Variants in RBFOX1 observed in about 807,000 individuals in gnomAD.
RBFOX1 encodes the protein RNA binding fox-1 homolog 1.
RBFOX1 carries 8 observed loss-of-function variants against 57.7 expected under a neutral mutation model. The observed-to-expected ratio is 0.14, with a 90% CI of 0.08 to 0.25. RBFOX1 has a LOEUF of 0.25. Among genes scored for constraint, RBFOX1 ranks in the 10% least tolerant of loss-of-function variants. The probability of loss-of-function intolerance (pLI) is 1.00; values close to 1 mark genes in which losing one functional copy is unlikely to be tolerated. For missense variants in RBFOX1, 611 were observed against 548.5 expected (o/e 1.11, Z -1.14); for synonymous variants, 326 against 222.4 (o/e 1.47, Z -4.15).
intron 2 of RBFOX1, among the ~76,000 whole-genome samples, chr16:5,570,839 C>A (rs201771847): frequency 4.2e-3 from 586 of 140,576 alleles, no homozygotes; most frequent in Admixed American, 6.6e-3. Flanking sequence ...AACTCTGTCT[C>A]AAAAAAAAAA....
At chr16:6,547,797 C>G (rs2096917000) in intron 2 of RBFOX1, among the ~76,000 whole-genome samples, 1 of 151,788 alleles carries the variant, frequency 6.6e-6, no homozygotes. Flanking sequence ...CTCAAAATGT[C>G]ATCTTTCCTA....
intron 3 of RBFOX1, among the ~76,000 whole-genome samples, chr16:6,691,667 A>G (rs1197964318): frequency 1.3e-5 from 2 of 152,234 alleles, no homozygotes; most frequent in South Asian, 2.1e-4. Context: ...CATGGCAGGT[A>G]GGATAATGGT....
chr16:7,025,933 C>T (rs1371853598), intron 3 of RBFOX1, among the ~76,000 whole-genome samples: 3 of 151,964 alleles, frequency 2.0e-5, no homozygotes, highest in Non-Finnish European at 2.9e-5. Flanking sequence ...CGGGAGCTCC[C>T]ACCTGGCCTG....
At chr16:6,966,604 CTGGAGAACA>C (rs1389783351) in intron 3 of RBFOX1, among the ~76,000 whole-genome samples, 1 of 152,128 alleles carries the variant, frequency 6.6e-6, no homozygotes, top group Non-Finnish European at 1.5e-5. Flanking sequence ...GGCCAATGGA[CTGGAGAACA>C]TGGGGTCACA....
chr16:5,718,236 C>G (rs2051792107), intron 3 of RBFOX1, among the ~76,000 whole-genome samples: 1 of 152,208 alleles, frequency 6.6e-6, no homozygotes, highest in South Asian at 2.1e-4. Flanking sequence ...GAGAACAAAT[C>G]AAGTACATTT....
At chr16:6,946,356 G>A (rs1304770435) in intron 3 of RBFOX1, among the ~76,000 whole-genome samples, 1 of 152,166 alleles carries the variant, frequency 6.6e-6, no homozygotes, top group African/African-American at 2.4e-5. Flanking sequence ...TGGCCAGCTG[G>A]CCCTGTACTG....
At chr16:6,487,747 ATATAT>A (rs2095537293) in intron 2 of RBFOX1, among the ~76,000 whole-genome samples, 11 of 74,442 alleles carry the variant, frequency 1.5e-4, no homozygotes, top group South Asian at 4.3e-4. Context: ...ATATATATAT[ATATAT>A]ATAAAATATT....
intron 3 of RBFOX1, among the ~76,000 whole-genome samples, chr16:5,713,713 G>A (rs8056403): frequency 0.67 from 101,352 of 152,040 alleles, 34,724 homozygotes; most frequent in Non-Finnish European, 0.72. Context: ...GTGTCTGGAC[G>A]CACAAAGTGC....
At chr16:6,014,410 C>T (rs888185373), upstream of RBFOX1, among the ~76,000 whole-genome samples, 8 of 152,280 alleles carry the variant, frequency 5.3e-5, no homozygotes, top group East Asian at 9.7e-4. Flanking sequence ...AAGTTGCTGT[C>T]TTTTCACAAA....
At chr16:7,279,308 C>T (rs1317352064) in intron 4 of RBFOX1, among the ~76,000 whole-genome samples, 3 of 152,064 alleles carry the variant, frequency 2.0e-5, no homozygotes, top group Non-Finnish European at 2.9e-5. Context: ...AGCTGAAATG[C>T]GGATTTCTCA....
intron 1 of RBFOX1, among the ~76,000 whole-genome samples, chr16:5,401,633 T>C (rs1192318319): frequency 6.6e-6 from 1 of 152,242 alleles, no homozygotes; most frequent in Non-Finnish European, 1.5e-5. Flanking sequence ...GTTTACATTA[T>C]TTTGGAAGAT....
At chr16:6,088,391 T>C (rs2096120563) in intron 1 of RBFOX1, among the ~76,000 whole-genome samples, 1 of 152,212 alleles carries the variant, frequency 6.6e-6, no homozygotes, top group African/African-American at 2.4e-5. Flanking sequence ...GTAATTGTCA[T>C]TTGTCTATTA....
chr16:7,098,015 A>C (rs2061990588), intron 4 of RBFOX1, among the ~76,000 whole-genome samples: 2 of 152,164 alleles, frequency 1.3e-5, no homozygotes, highest in African/African-American at 4.8e-5. Flanking sequence ...ATTTGACTTA[A>C]ATGAGCTCAG....
At chr16:7,188,151 A>G (rs1229666593) in intron 4 of RBFOX1, among the ~76,000 whole-genome samples, 1 of 152,216 alleles carries the variant, frequency 6.6e-6, no homozygotes, top group Non-Finnish European at 1.5e-5. Context: ...CAAGAGGTGT[A>G]TTATCTAACT....
At chr16:7,150,206 T>G (rs1414461248) in intron 4 of RBFOX1, among the ~76,000 whole-genome samples, 1 of 152,202 alleles carries the variant, frequency 6.6e-6, no homozygotes, top group African/African-American at 2.4e-5. Context: ...AAAATATGTT[T>G]TATTTACCTA....
chr16:6,439,483 A>T (rs1369237686), intron 2 of RBFOX1, among the ~76,000 whole-genome samples: 1 of 152,106 alleles, frequency 6.6e-6, no homozygotes, highest in Non-Finnish European at 1.5e-5. Context: ...AGGAATGTGG[A>T]ACATCCCCTG....
At chr16:6,559,089 T>A (rs1013495703) in intron 2 of RBFOX1, among the ~76,000 whole-genome samples, 4 of 150,668 alleles carry the variant, frequency 2.7e-5, no homozygotes, top group Admixed American at 6.6e-5. Context: ...CCTTGTACTT[T>A]TCCTCCAGTT....
At chr16:7,393,583 G>T (rs537497451) in intron 4 of RBFOX1, among the ~76,000 whole-genome samples, 7 of 152,208 alleles carry the variant, frequency 4.6e-5, no homozygotes, top group Non-Finnish European at 8.8e-5. Context: ...GGGGGTGGTG[G>T]TAATGAATCA....
chr16:5,804,525 A>G (rs1290757313), intron 3 of RBFOX1, among the ~76,000 whole-genome samples: 2 of 152,144 alleles, frequency 1.3e-5, no homozygotes, highest in African/African-American at 4.8e-5. Context: ...TCTGAGGACA[A>G]ATGAAACGTT....
Sources: allele counts gnomAD v4.1 joint callset (sites outside exome capture counted in the v4.1 genomes callset), GRCh38; gene constraint gnomAD v4.1.1; transcripts MANE v1.5; gene names NCBI Gene and HGNC (gene_info 2026-07-23, HGNC 2026-07-21).